XIRP2: variants seen among roughly 807,000 people sequenced by gnomAD.
The protein encoded by XIRP2 is xin actin binding repeat containing 2, also known as xin actin-binding repeat-containing protein 2.
A neutral mutation model predicts 277.0 loss-of-function variants in XIRP2; 236 were observed. The ratio of observed to expected loss-of-function variants is 0.85; its 90% confidence interval spans 0.77 to 0.95. The LOEUF is 0.95. XIRP2 is among the 40% of genes least tolerant of loss of function. The probability of loss-of-function intolerance (pLI) is 0.00; values close to 1 mark genes in which losing one functional copy is unlikely to be tolerated. For synonymous variants in XIRP2, 1,490 were observed against 1,416.5 expected (o/e 1.05, Z -1.17); for missense variants, 4,640 against 4,157.5 (o/e 1.12, Z -3.19).
chr2:167,144,282 G>A (rs1022327448), intron 3 of XIRP2, among the ~76,000 whole-genome samples: 2 of 151,882 alleles, frequency 1.3e-5, no homozygotes, highest in African/African-American at 4.8e-5. Flanking sequence ...ATGGAGATAG[G>A]GCTAAAATAA....
At chr2:167,158,368 AT>A (rs1391080843) in intron 3 of XIRP2, among the ~76,000 whole-genome samples, 3 of 152,148 alleles carry the variant, frequency 2.0e-5, no homozygotes, top group Non-Finnish European at 2.9e-5. Flanking sequence ...AAAACACTAG[AT>A]TTTTTTATGC....
intron 3 of XIRP2, among the ~76,000 whole-genome samples, chr2:167,181,772 A>G (rs950386110): frequency 6.6e-6 from 1 of 152,092 alleles, no homozygotes; most frequent in African/African-American, 2.4e-5. Flanking sequence ...AGTAAAGAAC[A>G]GTTTTACTTT....
chr2:167,259,229 G>A lies in XIRP2; in HGVS notation c.*1412G>A, dbSNP rs867730835. On this transcript the variant is annotated 3_prime_UTR_variant, in exon 11 of 11. Coordinates refer to ENST00000409195, the MANE Select transcript of XIRP2 (RefSeq NM_152381.6). ...AACAACAGAAGCTGCCCGCAATAATGAAAACACAGGTTTTGATGCTCTGAG... is the reference window on the plus strand; with the variant it reads ...AACAACAGAAGCTGCCCGCAATAATAAAAACACAGGTTTTGATGCTCTGAG... 1.2e-6 allele frequency: 2 copies of A among 1,613,340 alleles called. No homozygotes were observed. Among genetic ancestry groups the A allele is most frequent in the Non-Finnish European group, 1.7e-6 (2 of 1,179,626 alleles).
chr2:166,986,491 G>A (rs970860429), intron 2 of XIRP2, among the ~76,000 whole-genome samples: 3 of 152,212 alleles, frequency 2.0e-5, no homozygotes, highest in Non-Finnish European at 2.9e-5. Context: ...GCATAGCTAT[G>A]ATAGTTAGGT....
chr2:167,025,198 G>T lies in XIRP2; in HGVS notation c.409-110711G>T, dbSNP rs970407961. On this transcript the variant is annotated intron_variant, in intron 2 of 10. Transcript: ENST00000409195. ...TTAGTGTTGGGAGGGTGTATGTGTC[G>T]AGGAATTTATCCATTTCTTCTAGAT... Among the ~76,000 whole-genome samples the T allele has an allele frequency of 1.2e-3, 180 of 152,200 alleles. 1 individual carries two copies. Among genetic ancestry groups the T allele is most frequent in the Non-Finnish European group, 1.9e-3 (131 of 68,000 alleles).
chr2:167,099,900 C>A (rs1194162750), intron 2 of XIRP2, among the ~76,000 whole-genome samples: 1 of 152,072 alleles, frequency 6.6e-6, no homozygotes, highest in Admixed American at 6.6e-5. Flanking sequence ...AGAGATCACC[C>A]GCCTTCTGCA....
At chr2:167,165,986 G>A (rs1046585782) in intron 3 of XIRP2, among the ~76,000 whole-genome samples, 9 of 152,194 alleles carry the variant, frequency 5.9e-5, no homozygotes, top group East Asian at 3.9e-4. Flanking sequence ...ATTTAGGTCC[G>A]TGATCCATTA....
intron 3 of XIRP2, among the ~76,000 whole-genome samples, chr2:167,154,720 G>A (rs1692130125): frequency 6.6e-6 from 1 of 152,050 alleles, no homozygotes; most frequent in South Asian, 2.1e-4. Context: ...TCAAAAGCTG[G>A]CAGAAGGCAA....
intron 2 of XIRP2, chr2:167,123,892 C>T (rs1405908011): frequency 6.6e-6 from 1 of 152,068 alleles, no homozygotes; most frequent in Non-Finnish European, 1.5e-5. Flanking sequence ...CAACCCATAA[C>T]AGTATTCAAT....
At chr2:167,105,196 G>A (rs73015926) in intron 2 of XIRP2, among the ~76,000 whole-genome samples, 1,627 of 151,948 alleles carry the variant, frequency 0.011, 33 homozygotes, top group African/African-American at 0.037. Context: ...GTAACATCTT[G>A]AAGAACTACA....
In XIRP2 at chr2:167,248,543, C is replaced by T. The variant is rs916252489; in HGVS notation, c.7151C>T (p.Ala2384Val). The change falls in exon 9 of 11, where the codon GCT (alanine) becomes GTT (valine). Residue 2384 changes from alanine (A) to valine (V), a missense_variant. By Grantham distance (64) the Ala-to-Val change is moderately conservative. Coordinates refer to ENST00000409195, the MANE Select transcript of XIRP2 (RefSeq NM_152381.6). ...CCAGCACATCTCCTTTCCTCCTCTG[C>T]TCCGGAAAAGCACAGTGGAGACTTC... The part of the protein sequence containing the change: ...QKPAHLLSSS[A>V]PEKHSGDFMQ... 11 of 1,613,636 alleles carry T rather than the reference C, an allele frequency of 6.8e-6. No homozygotes were observed. Among genetic ancestry groups the T allele is most frequent in the Admixed American group, 1.7e-5 (1 of 59,936 alleles).
rs184574238 is a variant in XIRP2, at chr2:167,056,715, G to T, written c.409-79194G>T. 5.8e-3 allele frequency among the ~76,000 whole-genome samples: 887 copies of T among 152,192 alleles called. 8 individuals carry two copies. The highest frequency in any genetic ancestry group is 6.5e-3 in the Non-Finnish European group (443 of 67,974). ...AATCATACATATTTTTATTTGTTTA[G>T]AATAGGAAGATAATACAGGTATGAT... is the stretch of plus-strand genomic sequence containing the variant. On this transcript the variant is annotated intron_variant, in intron 2 of 10. Transcript: ENST00000409195.
intron 4 of XIRP2, among the ~76,000 whole-genome samples, chr2:167,211,281 G>A (rs1158425252): frequency 6.6e-6 from 1 of 151,916 alleles, no homozygotes; most frequent in Non-Finnish European, 1.5e-5. Flanking sequence ...ATTTTTAGTA[G>A]AGACAGGATT....
rs529570902 is a variant in XIRP2, at chr2:166,938,038, A to G, written c.408+34148A>G. Among the ~76,000 whole-genome samples the G allele has an allele frequency of 2.0e-5, 3 of 152,260 alleles. No homozygotes were observed. In the East Asian group the frequency reaches 5.8e-4, roughly 29 times the overall value. On this transcript the variant is annotated intron_variant, in intron 2 of 10. Transcript: ENST00000409195. The stretch of plus-strand genomic sequence containing the variant: ...CTATCAATTTTGTTGATCTTTTCAA[A>G]AAACCAGCTCCTGGATTCATTGATT...
intron 1 of XIRP2, among the ~76,000 whole-genome samples, chr2:166,893,266 A>G (rs1385684260): frequency 6.6e-6 from 1 of 152,122 alleles, no homozygotes; most frequent in Non-Finnish European, 1.5e-5. Context: ...TGGAAGGAAG[A>G]AAACAGTTTA....
chr2:166,968,281 A>C (rs374392641), intron 2 of XIRP2, among the ~76,000 whole-genome samples: 1 of 151,926 alleles, frequency 6.6e-6, no homozygotes, highest in African/African-American at 2.4e-5. Context: ...TTACATTCCA[A>C]GTTTCTAAAA....
At chr2:166,894,797 T>G (rs1176191114) in intron 1 of XIRP2, among the ~76,000 whole-genome samples, 1 of 152,122 alleles carries the variant, frequency 6.6e-6, no homozygotes, top group Non-Finnish European at 1.5e-5. Flanking sequence ...GGAACAGACA[T>G]TAATAAAATA....
intron 3 of XIRP2, among the ~76,000 whole-genome samples, chr2:167,157,358 C>A (rs1327355508): frequency 2.0e-5 from 3 of 152,064 alleles, no homozygotes; most frequent in Non-Finnish European, 4.4e-5. Flanking sequence ...TGACAGAATT[C>A]ACTATTCTTG....
At chr2:167,104,953 T>C (rs1429521009) in intron 2 of XIRP2, among the ~76,000 whole-genome samples, 1 of 152,040 alleles carries the variant, frequency 6.6e-6, no homozygotes, top group Non-Finnish European at 1.5e-5. Flanking sequence ...AAACGTTTAC[T>C]AAAAGCAAAA....
Sources: gnomAD v4.1 joint callset for allele counts (sites outside exome capture counted in the v4.1 genomes callset) on GRCh38, gnomAD v4.1.1 for gene constraint, MANE v1.5 for transcripts, NCBI Gene and HGNC (gene_info 2026-07-23, HGNC 2026-07-21) for gene names.